Variants in NIBAN2 observed in about 807,000 individuals in gnomAD.
NIBAN2 encodes protein Niban 2.
Under a neutral mutation model 81.8 loss-of-function variants are expected in NIBAN2, and 36 were observed. That is an observed-to-expected ratio of 0.44 (90% CI 0.34 to 0.58). The LOEUF is 0.58. Ranked by LOEUF, NIBAN2 falls within the 20% of genes least tolerant of loss-of-function variation. The pLI, the probability that NIBAN2 is intolerant of heterozygous loss-of-function variation, is 0.02. For missense variants in NIBAN2, 897 were observed against 1,014.1 expected, an observed-to-expected ratio of 0.88 and a Z score of 1.57; for synonymous variants, 445 against 441.6, an observed-to-expected ratio of 1.01 and a Z score of -0.10.
At chr9:127,561,096 G>A in intron 1 of NIBAN2, 3 of 984,468 alleles carry the variant, frequency 3.0e-6, no homozygotes, top group Non-Finnish European at 3.6e-6. Context: ...CTTTTCCTCT[G>A]TGCACTGCCA....
intron 1 of NIBAN2, among the ~76,000 whole-genome samples, chr9:127,555,843 T>C (rs1440624862): frequency 1.3e-5 from 2 of 152,210 alleles, no homozygotes; most frequent in Non-Finnish European, 2.9e-5. Context: ...GTGGTAGTTG[T>C]TCTGTGTGTC....
At chr9:127,568,777 TC>T in intron 1 of NIBAN2, 42 bp downstream of exon 1, 1 of 1,253,988 alleles carries the variant, frequency 8.0e-7, no homozygotes, top group South Asian at 2.7e-5. Context: ...GTCCGGGGGT[TC>T]CGGCAGGCCC....
At chr9:127,569,514 G>A (rs1271573024), upstream of NIBAN2, among the ~76,000 whole-genome samples, 1 of 151,812 alleles carries the variant, frequency 6.6e-6, no homozygotes. Flanking sequence ...CCTTGCCCGC[G>A]CGGGAAAAGA....
At chr9:127,549,384 C>A (rs1471246029) in intron 1 of NIBAN2, among the ~76,000 whole-genome samples, 1 of 151,454 alleles carries the variant, frequency 6.6e-6, no homozygotes, top group Non-Finnish European at 1.5e-5. Context: ...TGTGCATGCA[C>A]ATGCACGCAC....
chr9:127,524,513 GA>G (rs1837023851), intron 4 of NIBAN2, among the ~76,000 whole-genome samples: 1 of 152,212 alleles, frequency 6.6e-6, no homozygotes, highest in Non-Finnish European at 1.5e-5. Context: ...AGATTCAGGG[GA>G]GGGGGGGTGA....
At chr9:127,549,524 T>C (rs1168654318) in intron 1 of NIBAN2, among the ~76,000 whole-genome samples, 1 of 152,088 alleles carries the variant, frequency 6.6e-6, no homozygotes, top group Non-Finnish European at 1.5e-5. Flanking sequence ...ATACGCACAC[T>C]TACACATGTG....
chr9:127,530,536 C>A (rs4837160), intron 2 of NIBAN2, among the ~76,000 whole-genome samples: 1 of 152,096 alleles, frequency 6.6e-6, no homozygotes, highest in Non-Finnish European at 1.5e-5. Context: ...TTGCCAGCCC[C>A]CTCTGGCCCA....
At position 127,527,296 on chromosome 9, in the gene NIBAN2, G is replaced by T; in HGVS notation, c.213C>A (p.Phe71Leu). 1 of 1,613,762 alleles carries T rather than the reference G, an allele frequency of 6.2e-7. No individual in the cohort carries two copies. Reference sequence around the variant, plus strand: ...CCTGGTGCTGGAAGAGGTTCCCCGAGAAGACGATGCGCTCGTCCAGTGGCA... The same window carrying T: ...CCTGGTGCTGGAAGAGGTTCCCCGATAAGACGATGCGCTCGTCCAGTGGCA... ...RKVPLDERIV[F>L]SGNLFQHQED... is the part of the protein sequence containing the mutation. Residue 71 changes from phenylalanine (F) to leucine (L), a missense_variant, in exon 3 of 14, where the codon TTC becomes TTA. Coordinates refer to ENST00000373312, the MANE Select transcript of NIBAN2 (RefSeq NM_022833.4).
At chr9:127,558,177 G>T in intron 1 of NIBAN2, among the ~76,000 whole-genome samples, 1 of 152,190 alleles carries the variant, frequency 6.6e-6, no homozygotes, top group Admixed American at 6.5e-5. Context: ...CTGTCTCCTC[G>T]GACACAGGCC....
At chr9:127,523,192 AATATATATATATATATATATATAT>A (rs71380069) in intron 5 of NIBAN2, among the ~76,000 whole-genome samples, 5 of 13,450 alleles carry the variant, frequency 3.7e-4, no homozygotes, top group East Asian at 6.0e-3. Context: ...AAAAAAAAAA[AATATATATATATATATATATATAT>A]ATATATATAT....
At position 127,568,820 on chromosome 9, in the gene NIBAN2, C is replaced by A; in HGVS notation, c.55G>T (p.Glu19Ter). 1 of 1,364,082 alleles carries A rather than the reference C, an allele frequency of 7.3e-7. No individual in the cohort carries two copies. Among genetic ancestry groups the A allele is most frequent in the Non-Finnish European group, 9.5e-7 (1 of 1,053,462 alleles). The allele number at this position is 1,364,082 out of a possible 1,614,324, so 84.5% of individuals were successfully genotyped here. ...LDDARRQHIA[E>*]KTGKILTEFL... ...GCGCGTGGCGCGGCGCGACCCTCAC[C>A]TGCGATGTGCTGGCGCCGGGCGTCG... The change falls in exon 1 of 14, where the codon GAA (glutamate) becomes TAA (stop). Residue 19 changes from glutamate to a stop codon, truncating the protein, a stop_gained and splice_region_variant. Coordinates refer to ENST00000373312, the MANE Select transcript of NIBAN2 (RefSeq NM_022833.4). LOFTEE classifies it high-confidence loss of function.
At position 127,523,659 on chromosome 9, in the gene NIBAN2, T is replaced by G. The variant is rs756050308; in HGVS notation, c.589+20A>C. 6.2e-7 allele frequency: 1 copy of G among 1,600,200 alleles called. No homozygotes were observed. ...TCCTGCCCCTCCCTCCCACCGACCC[T>G]GCACCCACAGGCCACTCACCATTGT... On this transcript the variant is annotated intron_variant, in intron 5 of 13. Transcript: ENST00000373312.
intron 1 of NIBAN2, among the ~76,000 whole-genome samples, chr9:127,552,144 G>A (rs917078606): frequency 6.6e-6 from 1 of 152,188 alleles, no homozygotes; most frequent in African/African-American, 2.4e-5. Context: ...GAGGACCATG[G>A]CCGCCTCCCC....
chr9:127,557,410 A>G (rs542600859), intron 1 of NIBAN2, among the ~76,000 whole-genome samples: 3 of 150,338 alleles, frequency 2.0e-5, no homozygotes, highest in East Asian at 4.0e-4. Context: ...AGAGGTCTGA[A>G]GCAGGACCGG....
chr9:127,509,700 T>C (rs762550993), intron 9 of NIBAN2, among the ~76,000 whole-genome samples: 1 of 151,518 alleles, frequency 6.6e-6, no homozygotes, highest in Non-Finnish European at 1.5e-5. Context: ...CTGTCTCCAT[T>C]TGGAGGGCGC....
chr9:127,520,611 C>T (rs1456094525), intron 5 of NIBAN2, among the ~76,000 whole-genome samples: 1 of 152,132 alleles, frequency 6.6e-6, no homozygotes, highest in East Asian at 1.9e-4. Flanking sequence ...ACAACTAGTG[C>T]CCTTAAAAGA....
At chr9:127,575,377 G>A (rs562387622) in intron 1 of NIBAN2, among the ~76,000 whole-genome samples, 41 of 151,786 alleles carry the variant, frequency 2.7e-4, no homozygotes, top group African/African-American at 9.2e-4. Flanking sequence ...ACAGGTTCCT[G>A]CCACCACGCC....
chr9:127,522,032 G>A (rs909665227), intron 5 of NIBAN2, among the ~76,000 whole-genome samples: 2 of 152,218 alleles, frequency 1.3e-5, no homozygotes, highest in African/African-American at 2.4e-5. Flanking sequence ...CAGGTCAGCC[G>A]TTAGCCTTGG....
In NIBAN2 at chr9:127,508,889, G is replaced by A. The variant is rs973971935; in HGVS notation, c.1317+87C>T. On this transcript the variant is annotated intron_variant, in intron 10 of 13. Coordinates refer to ENST00000373312, the MANE Select transcript of NIBAN2 (RefSeq NM_022833.4). This position sits in a 1 kb window ranked among gnomAD's most constrained non-coding sequence, Gnocchi z 6.4. ...GGCAAGCGTGGCTATGGCATGACGG[G>A]ACGGAGCAGAAGGGACCCCCTGGGC... is the stretch of plus-strand genomic sequence containing the variant. The A allele has an allele frequency of 4.8e-6, 7 of 1,467,464 alleles. No homozygotes were observed. Among genetic ancestry groups the A allele is most frequent in the African/African-American group, 4.2e-5 (3 of 71,840 alleles). 90.9% of individuals were successfully genotyped at this position (1,467,464 alleles called of 1,614,324 possible). A position where few individuals can be genotyped will look rare whatever the true frequency, so the allele number is the denominator to read the frequency against.
Sources: gnomAD v4.1 joint callset for allele counts (sites outside exome capture counted in the v4.1 genomes callset) on GRCh38, gnomAD v4.1.1 for gene constraint, Gnocchi (gnomAD v3.1) non-coding constraint, MANE v1.5 for transcripts, NCBI Gene and HGNC (gene_info 2026-07-23, HGNC 2026-07-21) for gene names.